Variants in PID1 observed in about 807,000 individuals in gnomAD.
PID1 encodes the protein PTB-containing, cubilin and LRP1-interacting protein.
PID1 carries 10 observed loss-of-function variants against 19.1 expected under a neutral mutation model. That is an observed-to-expected ratio of 0.52 (90% CI 0.32 to 0.89). The LOEUF is 0.89. Among genes scored for constraint, PID1 ranks in the 40% least tolerant of loss-of-function variants. The pLI is 0.03. For missense variants in PID1, 248 were observed against 285.3 expected (o/e 0.87, Z 0.94); for synonymous variants, 130 against 116.0 (o/e 1.12, Z -0.78).
At chr2:229,137,464 G>A (rs11678557) in intron 2 of PID1, among the ~76,000 whole-genome samples, 37,611 of 152,108 alleles carry the variant, frequency 0.25, 5,834 homozygotes, top group Non-Finnish European at 0.35. Flanking sequence ...CATAGGACTA[G>A]CGTTTAATAC....
chr2:229,232,086 T>C lies in PID1; in HGVS notation c.30+38928A>G, dbSNP rs768634509. On this transcript the variant is annotated intron_variant, in intron 1 of 2. Transcript: ENST00000392055. ...AAGCCTCTTGTACAAGGCTTTTCAT[T>C]CCATTCAAGAGGGGAGGAGCCCTGA... 31 of 1,506,002 alleles carry C rather than the reference T, an allele frequency of 2.1e-5. No individual in the cohort carries two copies. In the Middle Eastern group the frequency reaches 7.0e-4, roughly 34 times the overall value. 93.3% of individuals were successfully genotyped at this position (1,506,002 alleles called of 1,614,324 possible). A position where few individuals can be genotyped will look rare whatever the true frequency, so the allele number is the denominator to read the frequency against.
At chr2:229,182,966 T>G (rs1329286814) in intron 1 of PID1, among the ~76,000 whole-genome samples, 1 of 152,234 alleles carries the variant, frequency 6.6e-6, no homozygotes, top group African/African-American at 2.4e-5. Flanking sequence ...GCTGAGGGCT[T>G]TGCTTCCCGC....
intron 1 of PID1, among the ~76,000 whole-genome samples, chr2:229,175,432 A>AT (rs1301831568): frequency 2.0e-5 from 3 of 152,224 alleles, no homozygotes; most frequent in Non-Finnish European, 4.4e-5. Flanking sequence ...GTCAAATACA[A>AT]TTTTTTAAAT....
intron 2 of PID1, among the ~76,000 whole-genome samples, chr2:229,099,324 A>T (rs1695031801): frequency 1.3e-5 from 2 of 152,220 alleles, no homozygotes; most frequent in Non-Finnish European, 2.9e-5. Context: ...TTTCCCACAT[A>T]TTAGGCAGCA....
At chr2:229,067,890 C>A (rs1450538295) in intron 2 of PID1, among the ~76,000 whole-genome samples, 1 of 152,162 alleles carries the variant, frequency 6.6e-6, no homozygotes, top group Non-Finnish European at 1.5e-5. Context: ...CTGGTGCATT[C>A]TGTGCAATGG....
intron 1 of PID1, among the ~76,000 whole-genome samples, chr2:229,223,986 A>G: frequency 6.6e-6 from 1 of 152,072 alleles, no homozygotes; most frequent in South Asian, 2.1e-4. Context: ...CTTTATGTCC[A>G]TATGTACCCA....
chr2:229,186,806 A>G (rs891561389), intron 1 of PID1, among the ~76,000 whole-genome samples: 5 of 152,224 alleles, frequency 3.3e-5, no homozygotes, highest in African/African-American at 1.2e-4. Flanking sequence ...ATTTCTCCTC[A>G]GAAAATGGGA....
intron 1 of PID1, among the ~76,000 whole-genome samples, chr2:229,190,502 G>A (rs565784398): frequency 1.1e-4 from 17 of 152,332 alleles, no homozygotes; most frequent in African/African-American, 3.8e-4. Context: ...AACTACAGAG[G>A]AGACGGGCAC....
intron 2 of PID1, among the ~76,000 whole-genome samples, chr2:229,081,872 C>T (rs1219616060): frequency 6.6e-6 from 1 of 152,198 alleles, no homozygotes; most frequent in Non-Finnish European, 1.5e-5. Flanking sequence ...GAAAGTACCA[C>T]AGAATTCTCA....
intron 2 of PID1, among the ~76,000 whole-genome samples, chr2:229,058,909 A>G (rs965751547): frequency 2.0e-5 from 3 of 152,208 alleles, no homozygotes; most frequent in Non-Finnish European, 4.4e-5. Flanking sequence ...AGGCAGCCCA[A>G]AGAAAAGTGT....
At chr2:229,235,202 GCT>G (rs1461933158) in intron 1 of PID1, among the ~76,000 whole-genome samples, 1 of 152,140 alleles carries the variant, frequency 6.6e-6, no homozygotes, top group Non-Finnish European at 1.5e-5. Context: ...GGCGGGAGGA[GCT>G]CTCAGAAGCA....
intron 2 of PID1, among the ~76,000 whole-genome samples, chr2:229,118,971 A>C (rs555146288): frequency 6.6e-6 from 1 of 152,186 alleles, no homozygotes. Flanking sequence ...AAAAATTCCA[A>C]CTGGGGCAGG....
intron 2 of PID1, among the ~76,000 whole-genome samples, chr2:229,139,035 GAAAGAGAAAGAAAGAAAGAA>G (rs1689928947): frequency 1.7e-5 from 1 of 59,558 alleles, no homozygotes; most frequent in Non-Finnish European, 3.8e-5. Flanking sequence ...AAGAAAGAAA[GAAAGAGAAAGAAAGAAAGAA>G]AGAGAAAGAA....
At chr2:229,171,624 T>C (rs1012764439) in intron 1 of PID1, among the ~76,000 whole-genome samples, 2 of 152,246 alleles carry the variant, frequency 1.3e-5, no homozygotes, top group African/African-American at 4.8e-5. Flanking sequence ...CTGAATACAT[T>C]GTTTAGATGA....
chr2:229,134,610 A>T (rs559530533), intron 2 of PID1, among the ~76,000 whole-genome samples: 3 of 152,194 alleles, frequency 2.0e-5, no homozygotes, highest in Admixed American at 1.3e-4. Context: ...TAAAAAAAGT[A>T]CAAAGAAAAA....
At chr2:229,197,333 A>G (rs150696132) in intron 1 of PID1, among the ~76,000 whole-genome samples, 407 of 152,160 alleles carry the variant, frequency 2.7e-3, no homozygotes, top group Non-Finnish European at 4.8e-3. Context: ...AAGAAAAAAA[A>G]TTTGACAGTA....
intron 2 of PID1, among the ~76,000 whole-genome samples, chr2:229,152,897 A>G (rs1690287046): frequency 6.6e-6 from 1 of 152,164 alleles, no homozygotes; most frequent in African/African-American, 2.4e-5. Context: ...TATAAGAGCT[A>G]TTAGGAAAAA....
chr2:229,114,721 C>T (rs915519728), intron 2 of PID1, among the ~76,000 whole-genome samples: 3 of 152,158 alleles, frequency 2.0e-5, no homozygotes, highest in Non-Finnish European at 4.4e-5. Context: ...TTCTAAAACA[C>T]ATCTTTGTAA....
At chr2:229,210,995 G>A (rs1007298009) in intron 1 of PID1, among the ~76,000 whole-genome samples, 4 of 152,210 alleles carry the variant, frequency 2.6e-5, no homozygotes, top group South Asian at 4.1e-4. Context: ...AAACTGCATC[G>A]ACTACTAGTT....
Sources: gnomAD v4.1 joint callset for allele counts (sites outside exome capture counted in the v4.1 genomes callset) on GRCh38, gnomAD v4.1.1 for gene constraint, MANE v1.5 for transcripts, NCBI Gene and HGNC (gene_info 2026-07-23, HGNC 2026-07-21) for gene names.